Variants in PRKN observed in about 807,000 individuals in gnomAD.
The protein encoded by PRKN is parkin RBR E3 ubiquitin protein ligase.
A neutral mutation model predicts 59.5 loss-of-function variants in PRKN; 56 were observed. The observed-to-expected ratio is 0.94, with a 90% confidence interval of 0.76 to 1.18. The LOEUF (loss-of-function observed/expected upper bound fraction) is 1.18. Ranked by LOEUF, PRKN falls within the 50% of genes most tolerant of loss-of-function variation. The pLI, the probability that PRKN is intolerant of heterozygous loss-of-function variation, is 0.00. For missense variants in PRKN, 657 were observed against 596.4 expected (o/e 1.10, Z -1.06); for synonymous variants, 250 against 222.1 (o/e 1.13, Z -1.12).
Position 161,488,323 on chromosome 6 carries a change from G to A in PRKN, c.1083+60531C>T, listed in dbSNP as rs1298496295. ...GGGGAAAGTGATCGGGCCGAGGACAGAAGGCCAGGTCACATAGGTCTTTGT... is the reference window on the plus strand; with the variant it reads ...GGGGAAAGTGATCGGGCCGAGGACAAAAGGCCAGGTCACATAGGTCTTTGT... On this transcript the variant is annotated intron_variant, in intron 9 of 11. Coordinates refer to ENST00000366898, the MANE Select transcript of PRKN (RefSeq NM_004562.3). The surrounding 1 kb of genome is among the most constrained non-coding windows in gnomAD (Gnocchi z 4.5). 5.3e-5 allele frequency among the ~76,000 whole-genome samples: 8 copies of A among 152,196 alleles called. No homozygotes were observed. Among genetic ancestry groups the A allele is most frequent in the Admixed American group, 5.2e-4 (8 of 15,284 alleles).
chr6:161,653,348 G>A (rs1307017275), intron 7 of PRKN, among the ~76,000 whole-genome samples: 2 of 151,754 alleles, frequency 1.3e-5, no homozygotes, highest in Non-Finnish European at 2.9e-5. Context: ...TGGCAACAGA[G>A]TGAGACTGAA....
chr6:162,262,496 C>G (rs1216900639), intron 3 of PRKN, 29 bp downstream of exon 3: 4 of 1,613,782 alleles, frequency 2.5e-6, no homozygotes, highest in Non-Finnish European at 3.4e-6. Context: ...AAACAAAATG[C>G]TTTAATAATC....
intron 1 of PRKN, among the ~76,000 whole-genome samples, chr6:162,461,677 C>T (rs923180021): frequency 5.3e-5 from 8 of 150,822 alleles, no homozygotes; most frequent in African/African-American, 2.0e-4. Flanking sequence ...AAAAATTAGC[C>T]AGGTGTGGTG....
intron 4 of PRKN, among the ~76,000 whole-genome samples, chr6:162,150,920 T>C (rs1782244044): frequency 2.0e-5 from 3 of 152,218 alleles, no homozygotes; most frequent in South Asian, 2.1e-4. Context: ...TTGAATACTA[T>C]GAAAAAATGC....
chr6:161,617,158 AGTG>A (rs1310844320), intron 7 of PRKN, among the ~76,000 whole-genome samples: 1 of 152,204 alleles, frequency 6.6e-6, no homozygotes, highest in East Asian at 1.9e-4. Flanking sequence ...TCCAATGACC[AGTG>A]ATGATGAGCT....
At chr6:162,110,204 A>G (rs979896858) in intron 4 of PRKN, among the ~76,000 whole-genome samples, 1 of 152,220 alleles carries the variant, frequency 6.6e-6, no homozygotes, top group African/African-American at 2.4e-5. Flanking sequence ...GAAAGGGGAA[A>G]GGCAATAGAT....
At chr6:161,844,314 C>T (rs1793110514) in intron 6 of PRKN, among the ~76,000 whole-genome samples, 1 of 152,090 alleles carries the variant, frequency 6.6e-6, no homozygotes, top group South Asian at 2.1e-4. Flanking sequence ...CAGAAATGAA[C>T]ATTGCAGAAT....
chr6:161,813,314 C>T (rs981771820), intron 6 of PRKN, among the ~76,000 whole-genome samples: 3 of 152,118 alleles, frequency 2.0e-5, no homozygotes, highest in Admixed American at 6.5e-5. Flanking sequence ...CAGTCTCAGG[C>T]GCCTCACCCA....
chr6:162,334,445 CTCTA>C (rs1375812498), intron 2 of PRKN, among the ~76,000 whole-genome samples: 3 of 152,120 alleles, frequency 2.0e-5, no homozygotes, highest in Non-Finnish European at 4.4e-5. Context: ...TGTGGCCATG[CTCTA>C]TAAATGGAAA....
intron 7 of PRKN, among the ~76,000 whole-genome samples, chr6:161,784,908 G>A (rs1790352756): frequency 6.6e-6 from 1 of 152,170 alleles, no homozygotes; most frequent in Admixed American, 6.5e-5. Flanking sequence ...TATCCACACA[G>A]TGGAATATTA....
chr6:162,482,638 A>G (rs889422202), intron 1 of PRKN, among the ~76,000 whole-genome samples: 1 of 152,230 alleles, frequency 6.6e-6, no homozygotes, highest in Middle Eastern at 3.2e-3. Flanking sequence ...AAGCCTTCAT[A>G]TTAAAAACAA....
At chr6:162,569,041 TG>T in intron 1 of PRKN, 1 of 694,298 alleles carries the variant, frequency 1.4e-6, no homozygotes, top group African/African-American at 1.7e-5. Flanking sequence ...GACACATCTA[TG>T]GTGCTGTCCA....
At chr6:161,781,065 C>T (rs894467076) in intron 7 of PRKN, among the ~76,000 whole-genome samples, 2 of 152,160 alleles carry the variant, frequency 1.3e-5, no homozygotes, top group Non-Finnish European at 2.9e-5. Context: ...GGGATGGAAC[C>T]GAACCATGCC....
chr6:161,626,588 G>T (rs1203633192), intron 7 of PRKN, among the ~76,000 whole-genome samples: 1 of 152,228 alleles, frequency 6.6e-6, no homozygotes, highest in African/African-American at 2.4e-5. Context: ...CCAAACTCTG[G>T]CTGCATCCAC....
chr6:161,850,303 G>A (rs146109165), intron 6 of PRKN, among the ~76,000 whole-genome samples: 1,567 of 152,280 alleles, frequency 0.01, 10 homozygotes, highest in Non-Finnish European at 0.016. Context: ...TATGAAGCCA[G>A]GCGCGGCAGC....
At chr6:162,050,716 T>C (rs1777599860) in intron 5 of PRKN, among the ~76,000 whole-genome samples, 1 of 152,046 alleles carries the variant, frequency 6.6e-6, no homozygotes, top group South Asian at 2.1e-4. Flanking sequence ...ACTGGCTGTC[T>C]CTCCTGGAGA....
intron 6 of PRKN, among the ~76,000 whole-genome samples, chr6:161,929,138 T>G (rs1027645721): frequency 6.6e-6 from 1 of 152,136 alleles, no homozygotes; most frequent in Non-Finnish European, 1.5e-5. Flanking sequence ...TATTTGGCCA[T>G]AAAAAGTAAT....
At chr6:162,324,011 G>A (rs1012479279) in intron 2 of PRKN, among the ~76,000 whole-genome samples, 1 of 151,964 alleles carries the variant, frequency 6.6e-6, no homozygotes, top group African/African-American at 2.4e-5. Context: ...ACAGGTAAAT[G>A]GGCAAATACT....
intron 4 of PRKN, among the ~76,000 whole-genome samples, chr6:162,091,454 A>C (rs1779493090): frequency 6.6e-6 from 1 of 152,168 alleles, no homozygotes; most frequent in Admixed American, 6.5e-5. Context: ...TCAACACAGA[A>C]TTATTAAAAT....
Sources: allele counts gnomAD v4.1 joint callset (sites outside exome capture counted in the v4.1 genomes callset), GRCh38; gene constraint gnomAD v4.1.1; non-coding constraint Gnocchi (gnomAD v3.1); transcripts MANE v1.5; gene names NCBI Gene and HGNC (gene_info 2026-07-23, HGNC 2026-07-21).